The following CD200 variants were observed in gnomAD, a reference collection of about 807,000 sequenced individuals.
CD200 encodes OX-2 membrane glycoprotein.
Under a neutral mutation model 30.9 loss-of-function variants are expected in CD200, and 15 were observed. The ratio of observed to expected loss-of-function variants is 0.49; its 90% confidence interval spans 0.32 to 0.75. The LOEUF (loss-of-function observed/expected upper bound fraction) is 0.75. Among genes scored for constraint, CD200 ranks in the 30% least tolerant of loss-of-function variants. CD200 has a pLI of 0.03. For synonymous variants in CD200, 134 were observed against 126.2 expected (o/e 1.06, Z -0.41); for missense variants, 262 against 324.2 (o/e 0.81, Z 1.47).
intron 3 of CD200, among the ~76,000 whole-genome samples, chr3:112,345,682 A>G (rs886956506): frequency 6.6e-6 from 1 of 152,216 alleles, no homozygotes; most frequent in African/African-American, 2.4e-5. Context: ...GATCATTTCT[A>G]GGGTCACTTA....
At chr3:112,333,330 A>C in intron 1 of CD200, 106 bp downstream of exon 1, 3 of 1,477,234 alleles carry the variant, frequency 2.0e-6, no homozygotes, top group Non-Finnish European at 2.7e-6. Context: ...GGCTCTTGCC[A>C]CAATCTGGTC....
chr3:112,340,755 A>G (rs2108432435), intron 1 of CD200, 147 bp from the exon 2 acceptor site: 1 of 571,664 alleles, frequency 1.7e-6, no homozygotes, highest in East Asian at 2.9e-5. Context: ...TCCATTTATA[A>G]CCTCTAGTTC....
At chr3:112,335,970 C>G (rs1223921537) in intron 1 of CD200, 1 of 1,612,718 alleles carries the variant, frequency 6.2e-7, no homozygotes, top group South Asian at 1.1e-5. Flanking sequence ...TGGGGGCCCT[C>G]TCCTTACAGC....
chr3:112,350,733 C>T (rs980237771), intron 5 of CD200, among the ~76,000 whole-genome samples: 1 of 152,144 alleles, frequency 6.6e-6, no homozygotes, highest in Non-Finnish European at 1.5e-5. Flanking sequence ...AAATAGTTGG[C>T]TTTGATAGCT....
intron 5 of CD200, among the ~76,000 whole-genome samples, chr3:112,355,699 A>C (rs1243240283): frequency 6.6e-6 from 1 of 152,156 alleles, no homozygotes; most frequent in Non-Finnish European, 1.5e-5. Context: ...AATGCTTTTC[A>C]TATCATTTTC....
intron 1 of CD200, chr3:112,335,753 G>A (rs1019541167): frequency 5.0e-6 from 3 of 602,240 alleles, no homozygotes; most frequent in Non-Finnish European, 8.9e-6. Context: ...GTCTCTGGCA[G>A]TTAGAGTGAA....
intron 5 of CD200, among the ~76,000 whole-genome samples, chr3:112,359,957 T>G (rs2081705156): frequency 6.6e-6 from 1 of 152,180 alleles, no homozygotes; most frequent in Non-Finnish European, 1.5e-5. Flanking sequence ...GAGAGAATAA[T>G]CCAGCCATGG....
chr3:112,341,043 A>G (rs1231432677), intron 2 of CD200, 60 bp downstream of exon 2: 2 of 1,070,786 alleles, frequency 1.9e-6, no homozygotes, highest in Admixed American at 1.7e-5. Context: ...GGGTGAAGAC[A>G]TTTAGCCAGT....
At chr3:112,359,906 G>T (rs1251590739) in intron 5 of CD200, among the ~76,000 whole-genome samples, 1 of 152,222 alleles carries the variant, frequency 6.6e-6, no homozygotes, top group Non-Finnish European at 1.5e-5. Flanking sequence ...TGTTAGGGAA[G>T]GCTTCGCTGA....
chr3:112,340,128 A>G (rs1223979452), intron 1 of CD200, among the ~76,000 whole-genome samples: 3 of 152,246 alleles, frequency 2.0e-5, no homozygotes, highest in Admixed American at 6.5e-5. Context: ...TATGAAAAAT[A>G]GAAATATAGA....
chr3:112,337,824 T>A (rs1298893203), intron 1 of CD200, among the ~76,000 whole-genome samples: 2 of 152,188 alleles, frequency 1.3e-5, no homozygotes, highest in African/African-American at 4.8e-5. Context: ...AGATACCAGT[T>A]GGTGGATGGT....
At position 112,340,942 on chromosome 3, in the gene CD200, T is replaced by C. The variant is rs1356140379; in HGVS notation, c.53T>C (p.Leu18Pro). Residue 18 changes from leucine (L) to proline (P), a missense_variant, in exon 2 of 6, where the codon CTG (leucine) becomes CCG (proline). Coordinates refer to ENST00000315711, the MANE Select transcript of CD200 (RefSeq NM_005944.7). ...MPFSHLSTYS[L>P]VWVMAAVVLC... ...TTCTCTCATCTGTCTACCTACAGCC[T>C]GGTTTGGGTCATGGCAGCAGTGGTG... 1.2e-6 allele frequency: 2 copies of C among 1,612,782 alleles called. No homozygotes were observed. The highest frequency in any genetic ancestry group is 3.3e-5 in the Admixed American group (2 of 59,994).
At chr3:112,360,933 A>G (rs56037521) in intron 5 of CD200, among the ~76,000 whole-genome samples, 35,151 of 152,180 alleles carry the variant, frequency 0.23, 4,347 homozygotes, top group Non-Finnish European at 0.28. Flanking sequence ...TTTTGAACAT[A>G]TTCCTTTACT....
At position 112,335,998 on chromosome 3, in the gene CD200, C is replaced by T. The variant is rs767510991; in HGVS notation, c.12+2774C>T. 24 of 1,610,808 alleles carry T rather than the reference C, an allele frequency of 1.5e-5. No individual in the cohort carries two copies. In the East Asian group the frequency reaches 5.1e-4, roughly 34 times the overall value. ...CTTACAGCTACACTCCTAGGAAAGA[C>T]CACCATCAATGATTACCAGGTAATT... On this transcript the variant is annotated intron_variant, in intron 1 of 5. Transcript: ENST00000315711.
intron 5 of CD200, among the ~76,000 whole-genome samples, chr3:112,360,153 C>G (rs1464558178): frequency 6.6e-6 from 1 of 152,058 alleles, no homozygotes; most frequent in East Asian, 1.9e-4. Flanking sequence ...CATAGTGAAA[C>G]CCCATCTCTA....
chr3:112,337,099 TG>T (rs1422051675), intron 1 of CD200, among the ~76,000 whole-genome samples: 1 of 151,176 alleles, frequency 6.6e-6, no homozygotes, highest in Non-Finnish European at 1.5e-5. Context: ...TCTCAAGGTG[TG>T]GGGTATATGG....
intron 1 of CD200, chr3:112,333,626 A>G (rs1417040768): frequency 4.1e-6 from 4 of 985,356 alleles, no homozygotes; most frequent in Non-Finnish European, 4.8e-6. Context: ...CAAAAGGGAA[A>G]GAGAAATGCT....
At chr3:112,360,166 G>A (rs1183812312) in intron 5 of CD200, among the ~76,000 whole-genome samples, 1 of 151,860 alleles carries the variant, frequency 6.6e-6, no homozygotes, top group East Asian at 1.9e-4. Flanking sequence ...CATCTCTACT[G>A]AAAATATGAA....
At chr3:112,352,485 T>C (rs2081551274) in intron 5 of CD200, among the ~76,000 whole-genome samples, 1 of 152,074 alleles carries the variant, frequency 6.6e-6, no homozygotes, top group Non-Finnish European at 1.5e-5. Flanking sequence ...GTTTTGAACT[T>C]GGTGACCTCA....
Sources: allele counts gnomAD v4.1 joint callset (sites outside exome capture counted in the v4.1 genomes callset), GRCh38; gene constraint gnomAD v4.1.1; transcripts MANE v1.5; gene names NCBI Gene and HGNC (gene_info 2026-07-23, HGNC 2026-07-21).